Variants in C1QTNF3 observed in about 807,000 individuals in gnomAD.
C1QTNF3 encodes the protein complement C1q tumor necrosis factor-related protein 3.
C1QTNF3 carries 26 observed loss-of-function variants against 32.6 expected under a neutral mutation model. That is an observed-to-expected ratio of 0.80 (90% CI 0.58 to 1.11). The LOEUF is 1.11. Among genes scored for constraint, C1QTNF3 ranks in the 50% least tolerant of loss-of-function variants. The pLI, the probability that C1QTNF3 is intolerant of heterozygous loss-of-function variation, is 0.00. For missense variants in C1QTNF3, 362 were observed against 398.2 expected, an observed-to-expected ratio of 0.91 and a Z score of 0.77; for synonymous variants, 155 against 146.0, an observed-to-expected ratio of 1.06 and a Z score of -0.44.
At chr5:34,124,754 G>A in the C1QTNF3 span, among the ~76,000 whole-genome samples, 1 of 152,158 alleles carries the variant, frequency 6.6e-6, no homozygotes, top group Non-Finnish European at 1.5e-5. Context: ...TTATATTCAA[G>A]GACAAGTGAG....
the C1QTNF3 span, among the ~76,000 whole-genome samples, chr5:34,118,783 T>C: frequency 5.4e-4 from 82 of 152,288 alleles, no homozygotes; most frequent in African/African-American, 1.8e-3. Context: ...CATCCTATTG[T>C]ACTGTGTTGA....
At chr5:34,087,401 C>A in the C1QTNF3 span, among the ~76,000 whole-genome samples, 2 of 151,834 alleles carry the variant, frequency 1.3e-5, no homozygotes, top group African/African-American at 4.8e-5. Flanking sequence ...TAAAGAGGAG[C>A]CGAATATTTT....
At chr5:34,078,835 G>A in the C1QTNF3 span, among the ~76,000 whole-genome samples, 2 of 151,368 alleles carry the variant, frequency 1.3e-5, no homozygotes, top group African/African-American at 2.5e-5. This position sits in a 1 kb window ranked among gnomAD's most constrained non-coding sequence, Gnocchi z 4.0. Context: ...TCTTTATATC[G>A]CCCATGTGCT....
chr5:34,205,387 C>T, the C1QTNF3 span, among the ~76,000 whole-genome samples: 21 of 152,248 alleles, frequency 1.4e-4, no homozygotes, highest in African/African-American at 5.1e-4. Context: ...CAATTGTAAT[C>T]GCCAGTGTTG....
the C1QTNF3 span, among the ~76,000 whole-genome samples, chr5:34,121,102 G>T: frequency 6.6e-6 from 1 of 152,082 alleles, no homozygotes; most frequent in Admixed American, 6.6e-5. Flanking sequence ...CACTGCTTTA[G>T]GAAGGCTTTG....
the C1QTNF3 span, among the ~76,000 whole-genome samples, chr5:34,080,739 C>T: frequency 8.6e-5 from 13 of 151,832 alleles, no homozygotes; most frequent in East Asian, 1.7e-3. Context: ...GAAAAATTCA[C>T]GATTCTTGTC....
the C1QTNF3 span, among the ~76,000 whole-genome samples, chr5:34,104,003 C>T: frequency 1.4e-4 from 20 of 147,606 alleles, no homozygotes; most frequent in East Asian, 3.8e-3. Context: ...GTTGCCATCA[C>T]TTACTCCCAA....
At chr5:34,046,158 T>C (rs139671762), upstream of C1QTNF3, among the ~76,000 whole-genome samples, 9 of 152,316 alleles carry the variant, frequency 5.9e-5, no homozygotes, top group East Asian at 1.5e-3. Context: ...AATAAGGCAA[T>C]TGTACAACTG....
chr5:34,230,606 C>T, the C1QTNF3 span, among the ~76,000 whole-genome samples: 2 of 152,052 alleles, frequency 1.3e-5, no homozygotes, highest in African/African-American at 2.4e-5. Context: ...CAGCATAAAA[C>T]AATATTAAAA....
the C1QTNF3 span, among the ~76,000 whole-genome samples, chr5:34,132,900 T>C: frequency 6.6e-6 from 1 of 152,182 alleles, no homozygotes. Flanking sequence ...ATGAGACACA[T>C]TAATGAAGCC....
the C1QTNF3 span, among the ~76,000 whole-genome samples, chr5:34,074,788 G>A: frequency 6.6e-6 from 1 of 151,346 alleles, no homozygotes; most frequent in Non-Finnish European, 1.5e-5. Flanking sequence ...CAGGAGCCAG[G>A]AATCACTTTT....
chr5:34,018,096 T>C lies in C1QTNF3; in HGVS notation c.*2487A>G, dbSNP rs1488317864. Among the ~76,000 whole-genome samples the C allele has an allele frequency of 6.6e-6, 1 of 151,880 alleles. No individual in the cohort carries two copies. The highest frequency in any genetic ancestry group is 2.4e-5 in the African/African-American group (1 of 41,420). On this transcript the variant is annotated 3_prime_UTR_variant, in exon 6 of 6. Coordinates refer to ENST00000382065, the MANE Select transcript of C1QTNF3 (RefSeq NM_181435.6). The stretch of plus-strand genomic sequence containing the variant: ...CTAATTTCAAATTATTTTATTACTA[T>C]ATTTAAAAATAAAAGCCATAAATAC...
At chr5:34,133,894 A>C in the C1QTNF3 span, among the ~76,000 whole-genome samples, 1 of 152,254 alleles carries the variant, frequency 6.6e-6, no homozygotes, top group Non-Finnish European at 1.5e-5. Flanking sequence ...GAAATACTCC[A>C]GGATGTGTTT....
the C1QTNF3 span, among the ~76,000 whole-genome samples, chr5:34,048,690 CAA>C: frequency 1.3e-3 from 186 of 137,806 alleles, no homozygotes; most frequent in Admixed American, 1.6e-3. Context: ...AACAGCAAGC[CAA>C]AAAAAAAAAA....
At chr5:34,055,248 A>G in the C1QTNF3 span, among the ~76,000 whole-genome samples, 1 of 152,340 alleles carries the variant, frequency 6.6e-6, no homozygotes, top group South Asian at 2.1e-4. Context: ...GAGTTATCCA[A>G]TTATCTGATT....
At chr5:34,129,174 G>T in the C1QTNF3 span, among the ~76,000 whole-genome samples, 19 of 152,010 alleles carry the variant, frequency 1.2e-4, no homozygotes, top group African/African-American at 4.6e-4. Flanking sequence ...TTTGTCTTTT[G>T]CCATGATTGT....
At chr5:34,174,355 C>A in the C1QTNF3 span, among the ~76,000 whole-genome samples, 4 of 151,894 alleles carry the variant, frequency 2.6e-5, no homozygotes, top group Non-Finnish European at 5.9e-5. Context: ...CTGCACTGAG[C>A]CTACAGCTCA....
At chr5:34,071,686 C>T in the C1QTNF3 span, among the ~76,000 whole-genome samples, 1 of 152,140 alleles carries the variant, frequency 6.6e-6, no homozygotes. Flanking sequence ...GTAGATGTCA[C>T]CTTCAGCCAG....
the C1QTNF3 span, among the ~76,000 whole-genome samples, chr5:34,093,366 A>AT: frequency 8.6e-6 from 1 of 116,658 alleles, no homozygotes; most frequent in African/African-American, 3.5e-5. Flanking sequence ...TTTCATCTAT[A>AT]TTTTTTCTGT....
Sources: gnomAD v4.1 joint callset for allele counts (sites outside exome capture counted in the v4.1 genomes callset) on GRCh38, gnomAD v4.1.1 for gene constraint, Gnocchi (gnomAD v3.1) non-coding constraint, MANE v1.5 for transcripts, NCBI Gene and HGNC (gene_info 2026-07-23, HGNC 2026-07-21) for gene names.